TRAPPC9: variants seen among roughly 807,000 people sequenced by gnomAD.
TRAPPC9 encodes IKK2 binding protein.
In TRAPPC9, 83 loss-of-function variants were observed where a neutral mutation model predicts 124.0. The ratio of observed to expected loss-of-function variants is 0.67; its 90% CI spans 0.56 to 0.80. The LOEUF (loss-of-function observed/expected upper bound fraction) is 0.80. TRAPPC9 is among the 30% of genes least tolerant of loss of function. The probability of loss-of-function intolerance (pLI) is 0.00; values close to 1 mark genes in which losing one functional copy is unlikely to be tolerated. For synonymous variants in TRAPPC9, 638 were observed against 617.5 expected (o/e 1.03, Z -0.49); for missense variants, 1,302 against 1,508.3 (o/e 0.86, Z 2.27).
intron 21 of TRAPPC9, among the ~76,000 whole-genome samples, chr8:139,873,228 T>G (rs1410054412): frequency 6.6e-6 from 1 of 152,164 alleles, no homozygotes; most frequent in Non-Finnish European, 1.5e-5. Context: ...CTGATTTGTC[T>G]GGGAACGCTG....
At chr8:139,919,147 A>G (rs971805640) in intron 19 of TRAPPC9, among the ~76,000 whole-genome samples, 2 of 152,114 alleles carry the variant, frequency 1.3e-5, no homozygotes, top group African/African-American at 4.8e-5. Flanking sequence ...TGCATTCGGG[A>G]AGGGGTGCTG....
chr8:140,021,185 T>C lies in TRAPPC9; in HGVS notation c.2699+2752A>G, dbSNP rs549924192. On this transcript the variant is annotated intron_variant, in intron 18 of 22. Transcript: ENST00000438773. The stretch of plus-strand genomic sequence containing the variant: ...CTGTACGTTCCTTGTTCTTTTCTCC[T>C]TCTTTCTTGATACCTCTTCCCCTTT... Among the ~76,000 whole-genome samples the C allele has an allele frequency of 1.1e-3, 171 of 152,334 alleles. 4 individuals are homozygous for C. The Middle Eastern group carries it at 0.034, about 30-fold the overall frequency.
At chr8:140,445,390 G>A (rs13262107) in intron 2 of TRAPPC9, among the ~76,000 whole-genome samples, 12,579 of 152,100 alleles carry the variant, frequency 0.083, 563 homozygotes, top group African/African-American at 0.099. Context: ...TAGGAAAGGC[G>A]CTTGTCTCTC....
chr8:140,134,143 G>C (rs2061254469), intron 17 of TRAPPC9, among the ~76,000 whole-genome samples: 1 of 152,088 alleles, frequency 6.6e-6, no homozygotes, highest in African/African-American at 2.4e-5. Context: ...GATTTCAAAA[G>C]TATCTACAAA....
At chr8:139,816,631 C>T (rs1442786863) in intron 21 of TRAPPC9, among the ~76,000 whole-genome samples, 2 of 150,224 alleles carry the variant, frequency 1.3e-5, no homozygotes, top group East Asian at 2.0e-4. Context: ...GACCCAACTG[C>T]AGGTCTGGGA....
chr8:139,873,534 C>A (rs1829135343), intron 21 of TRAPPC9, among the ~76,000 whole-genome samples: 1 of 152,144 alleles, frequency 6.6e-6, no homozygotes, highest in Non-Finnish European at 1.5e-5. Flanking sequence ...CAGGAGGATC[C>A]AGGAAGCCAG....
At chr8:140,414,818 T>A (rs2069847016) in intron 5 of TRAPPC9, among the ~76,000 whole-genome samples, 1 of 152,212 alleles carries the variant, frequency 6.6e-6, no homozygotes, top group East Asian at 1.9e-4. Flanking sequence ...CTTGGCTCAT[T>A]GCAACCTCTG....
chr8:140,452,419 C>CAAAAAAAAAAAAAAA (rs1161960216), intron 1 of TRAPPC9, among the ~76,000 whole-genome samples: 1 of 40,412 alleles, frequency 2.5e-5, no homozygotes, highest in East Asian at 6.5e-4. Context: ...GACTGCATCT[C>CAAAAAAAAAAAAAAA]AAAAAAAAAA....
intron 18 of TRAPPC9, among the ~76,000 whole-genome samples, chr8:140,011,293 G>A (rs927922942): frequency 1.3e-5 from 2 of 151,854 alleles, no homozygotes; most frequent in Non-Finnish European, 1.5e-5. Flanking sequence ...AGTGAGCCAA[G>A]ATTGTACCAC....
intron 19 of TRAPPC9, among the ~76,000 whole-genome samples, chr8:139,970,941 CGAGT>C (rs140778490): frequency 4.7e-4 from 71 of 152,138 alleles, no homozygotes; most frequent in African/African-American, 1.6e-3. Flanking sequence ...CTGCCCTCCC[CGAGT>C]GAGTGAACGG....
intron 19 of TRAPPC9, among the ~76,000 whole-genome samples, chr8:139,917,751 G>A (rs1323687170): frequency 1.3e-5 from 2 of 152,250 alleles, no homozygotes; most frequent in Non-Finnish European, 2.9e-5. Flanking sequence ...ATGGGAGACG[G>A]AGAAGTCAAA....
At chr8:139,943,174 C>A (rs1834014620) in intron 19 of TRAPPC9, among the ~76,000 whole-genome samples, 1 of 152,214 alleles carries the variant, frequency 6.6e-6, no homozygotes, top group Non-Finnish European at 1.5e-5. Context: ...TCAAGCGATT[C>A]TCCTGTCTCA....
upstream of TRAPPC9, chr8:140,458,345 C>T (rs1195834961): frequency 6.3e-7 from 1 of 1,587,104 alleles, no homozygotes; most frequent in Middle Eastern, 1.7e-4. Context: ...GGAGGCCCCG[C>T]GGAAGCCCAC....
intron 20 of TRAPPC9, among the ~76,000 whole-genome samples, chr8:139,903,022 G>C (rs1428423872): frequency 6.6e-6 from 1 of 152,204 alleles, no homozygotes; most frequent in Non-Finnish European, 1.5e-5. Flanking sequence ...GAGGGTGACT[G>C]TTGTCTGCAA....
chr8:139,735,593 T>C (rs2129987509), intron 21 of TRAPPC9, among the ~76,000 whole-genome samples: 1 of 151,664 alleles, frequency 6.6e-6, no homozygotes, highest in Admixed American at 6.6e-5. Flanking sequence ...GCTGGTTCCA[T>C]TAAGGGAAAG....
At chr8:140,454,640 CAA>C (rs34042143) in intron 1 of TRAPPC9, among the ~76,000 whole-genome samples, 141 of 68,022 alleles carry the variant, frequency 2.1e-3, no homozygotes, top group African/African-American at 5.9e-3. Flanking sequence ...GACTCCCTCT[CAA>C]AAAAAAAAAA....
intron 19 of TRAPPC9, among the ~76,000 whole-genome samples, chr8:139,912,342 C>T (rs748208322): frequency 2.0e-5 from 3 of 152,184 alleles, no homozygotes; most frequent in East Asian, 3.9e-4. Context: ...AATTAGTCTG[C>T]GAAATATTCT....
intron 17 of TRAPPC9, among the ~76,000 whole-genome samples, chr8:140,187,480 A>C (rs1397354750): frequency 6.6e-6 from 1 of 152,218 alleles, no homozygotes; most frequent in Non-Finnish European, 1.5e-5. Flanking sequence ...TCAAGGCTAT[A>C]CTTCCTGAAA....
intron 8 of TRAPPC9, among the ~76,000 whole-genome samples, chr8:140,368,271 G>A (rs535193032): frequency 7.2e-5 from 11 of 152,122 alleles, no homozygotes; most frequent in East Asian, 1.9e-4. Flanking sequence ...CTTCTATTCC[G>A]CAGGGACGTC....
Sources: allele counts gnomAD v4.1 joint callset (sites outside exome capture counted in the v4.1 genomes callset), GRCh38; gene constraint gnomAD v4.1.1; transcripts MANE v1.5; gene names NCBI Gene and HGNC (gene_info 2026-07-23, HGNC 2026-07-21).